The following RAB36 variants were observed in gnomAD, a reference collection of about 807,000 sequenced individuals.
RAB36 encodes the protein RAB36, member RAS oncogene family, also known as ras-related protein Rab-36.
In RAB36, 33 loss-of-function variants were observed where a neutral mutation model predicts 39.3. The ratio of observed to expected loss-of-function variants is 0.84; its 90% CI spans 0.64 to 1.12. The LOEUF is 1.12. Ranked by LOEUF, RAB36 falls within the 50% of genes most tolerant of loss-of-function variation. RAB36 has a pLI of 0.00. For missense variants in RAB36, 308 were observed against 355.3 expected (o/e 0.87, Z 1.07); for synonymous variants, 133 against 140.2 (o/e 0.95, Z 0.36).
chr22:23,157,631 C>T (rs1160132888), intron 6 of RAB36, among the ~76,000 whole-genome samples: 3 of 152,218 alleles, frequency 2.0e-5, no homozygotes, highest in South Asian at 2.1e-4. Flanking sequence ...GTCTCGTCCT[C>T]GCCATTTTAC....
intron 6 of RAB36, among the ~76,000 whole-genome samples, chr22:23,156,855 T>A (rs566133770): frequency 6.6e-6 from 1 of 152,108 alleles, no homozygotes; most frequent in Non-Finnish European, 1.5e-5. Flanking sequence ...GAATAAGAGG[T>A]GCGAGGCGCC....
At chr22:23,157,739 G>A (rs934752737) in intron 6 of RAB36, among the ~76,000 whole-genome samples, 13 of 152,194 alleles carry the variant, frequency 8.5e-5, no homozygotes, top group South Asian at 2.1e-4. Context: ...CCATGCGCTC[G>A]CTCCACGCCT....
At chr22:23,156,424 G>GT (rs2071456188) in intron 6 of RAB36, 1 of 171,186 alleles carries the variant, frequency 5.8e-6, no homozygotes, top group African/African-American at 2.4e-5. Flanking sequence ...GTGAAAGGGG[G>GT]ACCACGGGAG....
chr22:23,158,045 T>A lies in RAB36; in HGVS notation c.446+2T>A. 6.2e-7 allele frequency: 1 copy of A among 1,614,132 alleles called. No individual in the cohort carries two copies. Among genetic ancestry groups the A allele is most frequent in the Non-Finnish European group, 8.5e-7 (1 of 1,179,988 alleles). On this transcript the variant is annotated splice_donor_variant, in intron 7 of 10. Transcript: ENST00000263116. LOFTEE classifies it high-confidence loss of function. ...CGTGCAGACCCTGGAGCATACCAGG[T>A]AAGTCTGGGCTCTCTGGCCCCTGCA...
At position 23,160,569 on chromosome 22, in the gene RAB36, C is replaced by A. The variant is rs1229550087; in HGVS notation, c.620-310C>A. On this transcript the variant is annotated intron_variant, in intron 9 of 10. Transcript: ENST00000263116. ...TCCAACACTTGGGCCATAGTAGCAT[C>A]TGATTGGAAGAGTAGATGCTGGGAA... 3.3e-5 allele frequency among the ~76,000 whole-genome samples: 5 copies of A among 152,310 alleles called. No homozygotes were observed. The East Asian group carries it at 7.7e-4, about 24-fold the overall frequency.
rs1329282701 is a variant in RAB36 at position 23,163,231 on chromosome 22, TTA to T, written c.*1669_*1670del. The T allele has an allele frequency of 1.3e-5, 2 of 152,238 alleles. No individual in the cohort carries two copies. The highest frequency in any genetic ancestry group is 6.5e-5 in the Admixed American group (1 of 15,338). 9.4% of individuals were successfully genotyped at this position (152,238 alleles called of 1,614,324 possible). A position where few individuals can be genotyped will look rare whatever the true frequency, so the allele number is the denominator to read the frequency against. ...CGGCCATAAATGATTTTATTCATTT[TTA>T]TGTTTTCTTTTGGGCGGCGGGATGG... On this transcript the variant is annotated 3_prime_UTR_variant, in exon 11 of 11. Coordinates refer to ENST00000263116, the MANE Select transcript of RAB36 (RefSeq NM_004914.5).
intron 3 of RAB36, among the ~76,000 whole-genome samples, chr22:23,151,651 G>A (rs1472100267): frequency 2.6e-5 from 4 of 152,202 alleles, no homozygotes. Flanking sequence ...GGAGGCTGAG[G>A]TGGGAGGATC....
chr22:23,156,242 C>T, intron 6 of RAB36: 1 of 519,402 alleles, frequency 1.9e-6, no homozygotes, highest in South Asian at 2.1e-5. Flanking sequence ...CTTTAAGGAC[C>T]CTGTGGTAGT....
In RAB36 at chr22:23,153,038, G is replaced by C. The variant is rs2071250426; in HGVS notation, c.233G>C (p.Cys78Ser). ...VGKTSLIHRF[C>S]KNVFDRDYKA... ...GACTTCCTCATCCCCCACAGGTTTT[G>C]CAAGAATGTTTTTGATCGAGACTAC... Residue 78 changes from cysteine (C) to serine (S), a missense_variant, in exon 5 of 11, where the codon TGC (cysteine) becomes TCC (serine). Cys to Ser is a moderately radical substitution (Grantham distance 112, BLOSUM62 -1). Transcript: ENST00000263116. 6.2e-7 allele frequency: 1 copy of C among 1,613,598 alleles called. No homozygotes were observed. The highest frequency in any genetic ancestry group is 1.1e-5 in the South Asian group (1 of 91,080).
intron 3 of RAB36, among the ~76,000 whole-genome samples, chr22:23,151,812 C>A (rs1301199359): frequency 6.6e-6 from 1 of 152,214 alleles, no homozygotes; most frequent in East Asian, 1.9e-4. Flanking sequence ...GAACAGTGAC[C>A]CACAGAGAGC....
chr22:23,151,468 G>A (rs1386942564), intron 3 of RAB36, among the ~76,000 whole-genome samples: 1 of 152,226 alleles, frequency 6.6e-6, no homozygotes, highest in Non-Finnish European at 1.5e-5. Context: ...GTCACCAGGT[G>A]ACACAGTGGT....
chr22:23,153,664 C>A (rs1453093103), intron 5 of RAB36: 1 of 979,838 alleles, frequency 1.0e-6, no homozygotes, highest in Non-Finnish European at 1.2e-6. Flanking sequence ...ACTCCCTCTC[C>A]CCAGCCTCAC....
chr22:23,156,071 C>T, intron 6 of RAB36, 39 bp downstream of exon 6: 1 of 1,565,164 alleles, frequency 6.4e-7, no homozygotes, highest in Non-Finnish European at 8.7e-7. Context: ...CTGCATGCAG[C>T]AGCGGGGTCC....
chr22:23,166,403 A>T (rs2072052948), downstream of RAB36, among the ~76,000 whole-genome samples: 1 of 151,764 alleles, frequency 6.6e-6, no homozygotes, highest in Non-Finnish European at 1.5e-5. Context: ...AGAGAGTAAG[A>T]TGAAGGGCTG....
intron 2 of RAB36, 92 bp from the exon 3 acceptor site, chr22:23,149,971 G>A (rs976488859): frequency 1.9e-5 from 19 of 1,010,766 alleles, no homozygotes; most frequent in Admixed American, 4.0e-5. Context: ...TAGGAAGGAA[G>A]GCTGGGAAGA....
intron 2 of RAB36, 142 bp downstream of exon 2, chr22:23,146,827 C>G: frequency 7.1e-7 from 1 of 1,411,076 alleles, no homozygotes; most frequent in Non-Finnish European, 9.3e-7. Context: ...AGCTGGGAGA[C>G]TGGTCACTGA....
rs2072015260 is a variant in RAB36, at chr22:23,165,170, G to A, written c.*3606G>A. On this transcript the variant is annotated 3_prime_UTR_variant, in exon 11 of 11. Coordinates refer to ENST00000263116, the MANE Select transcript of RAB36 (RefSeq NM_004914.5). The stretch of plus-strand genomic sequence containing the variant: ...CTCCCCTAGCACCTCTGGGAGGAAG[G>A]GCCCACAGTAGGTGCTCAATAGATG... 2.6e-5 allele frequency among the ~76,000 whole-genome samples: 4 copies of A among 152,152 alleles called. No homozygotes were observed.
At chr22:23,149,473 C>A (rs982279113) in intron 2 of RAB36, among the ~76,000 whole-genome samples, 3 of 152,152 alleles carry the variant, frequency 2.0e-5, no homozygotes, top group African/African-American at 7.2e-5. Context: ...CAGCAGAAAG[C>A]GCCTCCTAGG....
At chr22:23,154,132 CT>C (rs1437725620) in intron 5 of RAB36, among the ~76,000 whole-genome samples, 2 of 152,066 alleles carry the variant, frequency 1.3e-5, no homozygotes, top group Non-Finnish European at 2.9e-5. Flanking sequence ...AGCTGGGTAG[CT>C]TCCCTCTGCC....
Sources: gnomAD v4.1 joint callset for allele counts (sites outside exome capture counted in the v4.1 genomes callset) on GRCh38, gnomAD v4.1.1 for gene constraint, MANE v1.5 for transcripts, NCBI Gene and HGNC (gene_info 2026-07-23, HGNC 2026-07-21) for gene names.